The following RBPJ variants were observed in gnomAD, a reference collection of about 807,000 sequenced individuals.
RBPJ encodes the protein recombining binding protein suppressor of hairless.
In RBPJ, 9 loss-of-function variants were observed where a neutral mutation model predicts 67.8. The ratio of observed to expected loss-of-function variants is 0.13; its 90% confidence interval spans 0.08 to 0.23. The LOEUF is 0.23. RBPJ is among the 10% of genes least tolerant of loss of function. The probability of loss-of-function intolerance (pLI) is 1.00; values close to 1 mark genes in which losing one functional copy is unlikely to be tolerated. For synonymous variants in RBPJ, 198 were observed against 203.3 expected (o/e 0.97, Z 0.22); for missense variants, 305 against 595.6 (o/e 0.51, Z 5.08).
intron 1 of RBPJ, among the ~76,000 whole-genome samples, chr4:26,253,087 T>C (rs992165316): frequency 3.9e-5 from 6 of 152,258 alleles, no homozygotes; most frequent in Admixed American, 1.3e-4. Context: ...ATTTGAGCTG[T>C]AGGTTTTTGG....
At chr4:26,255,399 G>T (rs1264922791) in intron 1 of RBPJ, among the ~76,000 whole-genome samples, 1 of 68,474 alleles carries the variant, frequency 1.5e-5, no homozygotes, top group Non-Finnish European at 2.3e-5. Flanking sequence ...GCGAGACTCC[G>T]TCTCAAAAAA....
chr4:26,244,816 T>C (rs1173171223), intron 1 of RBPJ, among the ~76,000 whole-genome samples: 2 of 151,994 alleles, frequency 1.3e-5, no homozygotes, highest in East Asian at 3.9e-4. Flanking sequence ...GTATTTTTAG[T>C]AGAGGCGAGG....
intron 1 of RBPJ, among the ~76,000 whole-genome samples, chr4:26,182,243 G>C (rs775590651): frequency 3.0e-4 from 46 of 152,112 alleles, no homozygotes; most frequent in Non-Finnish European, 6.0e-4. Flanking sequence ...TCGGGAGGCT[G>C]AGACAGGAGA....
At chr4:26,162,885 C>G (rs971691478), upstream of RBPJ, among the ~76,000 whole-genome samples, 4 of 151,560 alleles carry the variant, frequency 2.6e-5, no homozygotes, top group African/African-American at 2.4e-5. Flanking sequence ...GCAGGGAGAC[C>G]AAGAAGGGCC....
chr4:26,114,478 C>CAT, the RBPJ span, among the ~76,000 whole-genome samples: 6,230 of 122,952 alleles, frequency 0.051, 432 homozygotes, highest in South Asian at 0.11. Flanking sequence ...AAAGAATGTA[C>CAT]ATATATATAT....
intron 1 of RBPJ, among the ~76,000 whole-genome samples, chr4:26,241,799 G>A (rs185122464): frequency 3.3e-5 from 5 of 152,066 alleles, no homozygotes; most frequent in African/African-American, 4.8e-5. Flanking sequence ...GGTGTGAGCC[G>A]CTAAGCCTGG....
At chr4:26,366,848 G>C (rs542058899) in intron 1 of RBPJ, among the ~76,000 whole-genome samples, 1 of 152,072 alleles carries the variant, frequency 6.6e-6, no homozygotes, top group Non-Finnish European at 1.5e-5. Flanking sequence ...CAAATAGGCC[G>C]GGCGTCGTGT....
chr4:26,401,370 C>A (rs566051686), intron 2 of RBPJ, among the ~76,000 whole-genome samples: 2 of 152,332 alleles, frequency 1.3e-5, no homozygotes, highest in Non-Finnish European at 2.9e-5. Context: ...TCAGTATCAT[C>A]TTGGGAAAGT....
intron 1 of RBPJ, among the ~76,000 whole-genome samples, chr4:26,369,065 A>G (rs1275989950): frequency 6.6e-6 from 1 of 152,216 alleles, no homozygotes; most frequent in Non-Finnish European, 1.5e-5. Context: ...GACAGTGAAT[A>G]GTCATAACAG....
chr4:26,272,006 C>T (rs544091484), intron 1 of RBPJ, among the ~76,000 whole-genome samples: 6 of 152,310 alleles, frequency 3.9e-5, no homozygotes, highest in Admixed American at 2.6e-4. Flanking sequence ...CCTTGGGTCA[C>T]TTGCTTTGTC....
intron 1 of RBPJ, among the ~76,000 whole-genome samples, chr4:26,353,146 C>G (rs1184070264): frequency 1.3e-5 from 2 of 152,172 alleles, no homozygotes; most frequent in East Asian, 3.8e-4. Context: ...TCACCTGTTG[C>G]TAAGGTTTTT....
Position 26,390,499 on chromosome 4 carries a change from G to A in RBPJ, c.59+4108G>A, listed in dbSNP as rs193038277. Among the ~76,000 whole-genome samples the A allele has an allele frequency of 5.2e-4, 79 of 152,234 alleles. 1 individual carries two copies. In the East Asian group the frequency reaches 0.01, roughly 20 times the overall value. On this transcript the variant is annotated intron_variant, in intron 2 of 10. Coordinates refer to ENST00000355476, the MANE Select transcript of RBPJ (RefSeq NM_015874.6). ...TGATCATATGTATAGAAAATTCTGCGGAATCTTGCTACTAGAACTGATAAG... is the reference window on the plus strand; with the variant it reads ...TGATCATATGTATAGAAAATTCTGCAGAATCTTGCTACTAGAACTGATAAG...
Position 26,422,268 on chromosome 4 carries a change from A to G in RBPJ, c.496+1543A>G, listed in dbSNP as rs145309263. Among the ~76,000 whole-genome samples, 127 of 151,680 alleles carry G rather than the reference A, an allele frequency of 8.4e-4. 2 individuals are homozygous for G. The highest frequency in any genetic ancestry group is 2.9e-3 in the African/African-American group (119 of 41,312). On this transcript the variant is annotated intron_variant, in intron 5 of 10. Transcript: ENST00000355476. The stretch of plus-strand genomic sequence containing the variant: ...ATAGTAGTTCAGCTGTTGTAAGTCT[A>G]TTCCACCCATAAAGTTCCTCAGCAA...
upstream of RBPJ, among the ~76,000 whole-genome samples, chr4:26,314,652 T>G (rs1722544078): frequency 6.6e-6 from 1 of 152,186 alleles, no homozygotes; most frequent in Non-Finnish European, 1.5e-5. Context: ...CCTGCTTTGC[T>G]GTCTGCCATG....
At chr4:26,299,796 A>G (rs1360201122) in intron 1 of RBPJ, among the ~76,000 whole-genome samples, 1 of 148,308 alleles carries the variant, frequency 6.7e-6, no homozygotes, top group African/African-American at 2.5e-5. Context: ...CTCCTGCCTG[A>G]GCCTTCCAAG....
At chr4:26,255,620 G>A (rs1207655018) in intron 1 of RBPJ, among the ~76,000 whole-genome samples, 1 of 149,520 alleles carries the variant, frequency 6.7e-6, no homozygotes, top group African/African-American at 2.5e-5. Context: ...GGCTAACACG[G>A]TGAAACCCCG....
chr4:26,320,998 G>T (rs764009737), upstream of RBPJ: 1 of 1,613,816 alleles, frequency 6.2e-7, no homozygotes, highest in African/African-American at 1.3e-5. Context: ...AATCTCGCGA[G>T]GGTTGGAGTT....
chr4:26,142,787 T>TGTGA, the RBPJ span, among the ~76,000 whole-genome samples: 7 of 150,874 alleles, frequency 4.6e-5, no homozygotes, highest in African/African-American at 1.7e-4. Context: ...TGTGTGTGTG[T>TGTGA]GAGAGAGAGA....
chr4:26,192,746 GC>G (rs2109143298), intron 1 of RBPJ, among the ~76,000 whole-genome samples: 1 of 152,256 alleles, frequency 6.6e-6, no homozygotes, highest in South Asian at 2.1e-4. Context: ...TTGCCTCGCT[GC>G]CATGTAAGCC....
Sources: gnomAD v4.1 joint callset for allele counts (sites outside exome capture counted in the v4.1 genomes callset) on GRCh38, gnomAD v4.1.1 for gene constraint, MANE v1.5 for transcripts, NCBI Gene and HGNC (gene_info 2026-07-23, HGNC 2026-07-21) for gene names.